LAMA1: variants seen among roughly 807,000 people sequenced by gnomAD.
LAMA1 encodes the protein laminin subunit alpha-1.
LAMA1 carries 219 observed loss-of-function variants against 348.7 expected under a neutral mutation model. The observed-to-expected ratio is 0.63, with a 90% CI of 0.56 to 0.70. LAMA1 has a LOEUF of 0.70. LAMA1 is among the 30% of genes least tolerant of loss of function. The pLI, the probability that LAMA1 is intolerant of heterozygous loss-of-function variation, is 0.00. For missense variants in LAMA1, 3,744 were observed against 3,888.0 expected, an observed-to-expected ratio of 0.96 and a Z score of 0.99; for synonymous variants, 1,487 against 1,491.0, an observed-to-expected ratio of 1.00 and a Z score of 0.06.
intron 1 of LAMA1, among the ~76,000 whole-genome samples, chr18:7,089,483 C>T (rs2058231101): frequency 6.6e-6 from 1 of 152,216 alleles, no homozygotes; most frequent in African/African-American, 2.4e-5. Flanking sequence ...GGATCCCGTG[C>T]ATCTCAGGAA....
At chr18:6,943,029 T>C (rs2057506319) in intron 62 of LAMA1, 151 bp downstream of exon 62, 1 of 707,808 alleles carries the variant, frequency 1.4e-6, no homozygotes, top group East Asian at 2.7e-5. Context: ...CCAAGAATTC[T>C]TAGATATTTG....
intron 41 of LAMA1, 112 bp downstream of exon 41, chr18:6,982,385 C>T (rs955264675): frequency 1.1e-6 from 1 of 896,450 alleles, no homozygotes; most frequent in Non-Finnish European, 1.9e-6. Context: ...AAATGGGACA[C>T]AGAAATGCTA....
intron 1 of LAMA1, among the ~76,000 whole-genome samples, chr18:7,082,351 A>G (rs930497782): frequency 5.9e-5 from 9 of 152,154 alleles, no homozygotes; most frequent in African/African-American, 2.2e-4. Context: ...TATCCCTGTA[A>G]AGGGACTTCG....
intron 53 of LAMA1, among the ~76,000 whole-genome samples, chr18:6,961,258 T>A (rs1026152150): frequency 5.9e-5 from 9 of 152,302 alleles, no homozygotes; most frequent in Non-Finnish European, 1.3e-4. Context: ...GGACTGCTGT[T>A]GGCCTTGGAA....
At position 7,016,492 on chromosome 18, in the gene LAMA1, T is replaced by G; in HGVS notation, c.2988A>C (p.Thr996=). ...GFYAYQDGSC[T]PCDCPHTQNT... Reference sequence around the variant, plus strand: ...TCAAACAAGGAAATCAAGGCTTACGTGTACAGCTACCATCCTGGTAGGCGT... The same window carrying G: ...TCAAACAAGGAAATCAAGGCTTACGGGTACAGCTACCATCCTGGTAGGCGT... The change falls in exon 21 of 63, where the codon ACA becomes ACC. Residue 996 remains threonine, a splice_region_variant and synonymous_variant. Coordinates refer to ENST00000389658, the MANE Select transcript of LAMA1 (RefSeq NM_005559.4). 1 of 1,614,204 alleles carries G rather than the reference T, an allele frequency of 6.2e-7. No homozygotes were observed. The highest frequency in any genetic ancestry group is 8.5e-7 in the Non-Finnish European group (1 of 1,180,036).
intron 1 of LAMA1, among the ~76,000 whole-genome samples, chr18:7,097,149 G>A (rs1007887073): frequency 2.0e-5 from 3 of 152,082 alleles, no homozygotes; most frequent in Non-Finnish European, 4.4e-5. Flanking sequence ...GCATGCAACC[G>A]ATAGCTGGAC....
chr18:7,020,678 C>T (rs768306364), intron 19 of LAMA1, among the ~76,000 whole-genome samples: 1 of 152,218 alleles, frequency 6.6e-6, no homozygotes, highest in Non-Finnish European at 1.5e-5. Context: ...ACCCCAGCTG[C>T]TCTAACCGTC....
intron 3 of LAMA1, among the ~76,000 whole-genome samples, chr18:7,066,432 C>A (rs769796276): frequency 6.6e-6 from 1 of 152,134 alleles, no homozygotes; most frequent in Admixed American, 6.6e-5. Flanking sequence ...AGAGTCAAAT[C>A]GGTTCTTTCT....
At chr18:6,978,082 T>C (rs2057690872) in intron 43 of LAMA1, 114 bp downstream of exon 43, 6 of 1,433,312 alleles carry the variant, frequency 4.2e-6, no homozygotes, top group Non-Finnish European at 5.9e-6. Flanking sequence ...ATCCAGATGT[T>C]AGCATACTTC....
chr18:7,007,811 G>A (rs564249460), intron 28 of LAMA1, among the ~76,000 whole-genome samples: 1 of 152,180 alleles, frequency 6.6e-6, no homozygotes, highest in Non-Finnish European at 1.5e-5. Context: ...GCCTTAAAAA[G>A]GAGGGAAATT....
intron 9 of LAMA1, among the ~76,000 whole-genome samples, 158 bp downstream of exon 9, chr18:7,041,987 A>C (rs8097469): frequency 0.17 from 25,138 of 152,186 alleles, 2,076 homozygotes; most frequent in Admixed American, 0.2. Flanking sequence ...GGTCCTCAAA[A>C]ACTGCCTGAC....
At chr18:7,000,646 T>C (rs754321674) in intron 30 of LAMA1, among the ~76,000 whole-genome samples, 15 of 152,202 alleles carry the variant, frequency 9.9e-5, no homozygotes, top group Non-Finnish European at 1.6e-4. Flanking sequence ...CAACATCCTC[T>C]ACCCTCTGCC....
intron 29 of LAMA1, among the ~76,000 whole-genome samples, chr18:7,003,119 G>C (rs1222913723): frequency 6.6e-6 from 1 of 152,074 alleles, no homozygotes; most frequent in Admixed American, 6.5e-5. Flanking sequence ...CTGGCCTCAG[G>C]TGATCCTCCT....
chr18:7,065,055 A>G (rs917896597), intron 3 of LAMA1, among the ~76,000 whole-genome samples: 3 of 151,860 alleles, frequency 2.0e-5, no homozygotes, highest in African/African-American at 7.3e-5. Flanking sequence ...AACAGGGTGA[A>G]TCCTCGTCTC....
At chr18:6,987,645 T>C (rs1182100819) in intron 36 of LAMA1, among the ~76,000 whole-genome samples, 1 of 152,216 alleles carries the variant, frequency 6.6e-6, no homozygotes, top group Non-Finnish European at 1.5e-5. Flanking sequence ...AGGACAATTT[T>C]GAAAAATTCT....
At chr18:7,039,163 C>T (rs1451011429) in intron 10 of LAMA1, among the ~76,000 whole-genome samples, 1 of 152,108 alleles carries the variant, frequency 6.6e-6, no homozygotes, top group Non-Finnish European at 1.5e-5. Context: ...GGCTGGAGAT[C>T]TTAGAACTCG....
intron 29 of LAMA1, among the ~76,000 whole-genome samples, chr18:7,004,830 T>C (rs1384985236): frequency 1.3e-5 from 2 of 151,934 alleles, no homozygotes; most frequent in African/African-American, 4.8e-5. Context: ...TTTGAAAAAC[T>C]GAGGATGGAA....
chr18:7,052,429 T>C (rs565761249), intron 3 of LAMA1, among the ~76,000 whole-genome samples: 2 of 145,008 alleles, frequency 1.4e-5, no homozygotes, highest in African/African-American at 5.3e-5. Context: ...AGACTCTGTA[T>C]CAAAAAAAAA....
At position 7,007,444 on chromosome 18, in the gene LAMA1, C is replaced by T. The variant is rs192925885; in HGVS notation, c.4123-168G>A. Among the ~76,000 whole-genome samples the T allele has an allele frequency of 6.6e-4, 99 of 150,474 alleles. 1 individual carries two copies. Among genetic ancestry groups the T allele is most frequent in the African/African-American group, 2.2e-3 (89 of 40,792 alleles). ...ATGAAAAAACACAAGGTGATGCCAC[C>T]GCACACCTGTTAGGGTATCAACTAT... On this transcript the variant is annotated intron_variant, in intron 28 of 62. Coordinates refer to ENST00000389658, the MANE Select transcript of LAMA1 (RefSeq NM_005559.4).
Sources: gnomAD v4.1 joint callset for allele counts (sites outside exome capture counted in the v4.1 genomes callset) on GRCh38, gnomAD v4.1.1 for gene constraint, MANE v1.5 for transcripts, NCBI Gene and HGNC (gene_info 2026-07-23, HGNC 2026-07-21) for gene names.